The following TNS3 variants were observed in gnomAD, a reference collection of about 807,000 sequenced individuals.
TNS3 encodes tensin 3, also known as tensin-3.
A neutral mutation model predicts 140.9 loss-of-function variants in TNS3; 45 were observed. The observed-to-expected ratio is 0.32, with a 90% CI of 0.25 to 0.41. The LOEUF (loss-of-function observed/expected upper bound fraction) is 0.41, where lower values mean the gene tolerates loss of function less well. TNS3 is among the 10% of genes least tolerant of loss of function. The probability of loss-of-function intolerance (pLI) is 1.00; values close to 1 mark genes in which losing one functional copy is unlikely to be tolerated. For missense variants in TNS3, 1,716 were observed against 1,906.7 expected, an observed-to-expected ratio of 0.90 and a Z score of 1.86; for synonymous variants, 815 against 788.4, an observed-to-expected ratio of 1.03 and a Z score of -0.56.
chr7:47,325,977 T>C (rs999402880), intron 20 of TNS3, among the ~76,000 whole-genome samples: 3 of 152,202 alleles, frequency 2.0e-5, no homozygotes, highest in African/African-American at 7.2e-5. Context: ...ACCATGCGGA[T>C]TATCAGATCC....
chr7:47,540,167 A>G (rs1220240401), intron 1 of TNS3, among the ~76,000 whole-genome samples: 3 of 151,942 alleles, frequency 2.0e-5, no homozygotes, highest in Admixed American at 6.6e-5. Context: ...GGAACAAAAC[A>G]AGGTTCTTCC....
At chr7:47,296,790 G>A (rs982295847) in intron 24 of TNS3, among the ~76,000 whole-genome samples, 4 of 152,122 alleles carry the variant, frequency 2.6e-5, no homozygotes, top group African/African-American at 9.7e-5. Context: ...GGTGAGGGGG[G>A]TAGAGCCGAA....
chr7:47,288,353 T>C (rs1459876044), intron 27 of TNS3, among the ~76,000 whole-genome samples: 2 of 152,258 alleles, frequency 1.3e-5, no homozygotes, highest in Non-Finnish European at 2.9e-5. Flanking sequence ...GCTCTGTGCC[T>C]GTTGCTATCA....
chr7:47,474,621 C>T (rs894695542), intron 4 of TNS3, among the ~76,000 whole-genome samples: 3 of 147,958 alleles, frequency 2.0e-5, no homozygotes, highest in African/African-American at 7.5e-5. Flanking sequence ...ACCTCACACA[C>T]AACACTTCAC....
intron 4 of TNS3, among the ~76,000 whole-genome samples, chr7:47,461,689 A>C (rs1562771109): frequency 6.6e-6 from 1 of 152,128 alleles, no homozygotes; most frequent in Non-Finnish European, 1.5e-5. Context: ...TCTGCTCCCA[A>C]CCCTGCAAAT....
In TNS3 at chr7:47,276,158, T is replaced by C. The variant is rs574848697; in HGVS notation, c.*1918A>G. ...TCAACACATGAGGATCTGCTGAAAA[T>C]GCCAGCACCTCCTGACAGTCATGCC... On this transcript the variant is annotated 3_prime_UTR_variant, in exon 31 of 31. Coordinates refer to ENST00000311160, the MANE Select transcript of TNS3 (RefSeq NM_022748.12). The C allele has an allele frequency of 2.9e-5, 5 of 171,176 alleles. No homozygotes were observed. The highest frequency in any genetic ancestry group is 1.9e-4 in the Admixed American group (3 of 16,184). 10.6% of individuals were successfully genotyped at this position (171,176 alleles called of 1,614,324 possible). A position where few individuals can be genotyped will look rare whatever the true frequency, so the allele number is the denominator to read the frequency against.
intron 30 of TNS3, 144 bp downstream of exon 30, chr7:47,280,020 T>G (rs1419130695): frequency 5.1e-6 from 5 of 978,374 alleles, no homozygotes; most frequent in Non-Finnish European, 7.7e-6. Context: ...ATGAGAACAC[T>G]TTTACTTTTT....
At chr7:47,312,818 C>T (rs1440444075) in intron 20 of TNS3, among the ~76,000 whole-genome samples, 1 of 152,038 alleles carries the variant, frequency 6.6e-6, no homozygotes, top group Non-Finnish European at 1.5e-5. Flanking sequence ...ACCAACATGG[C>T]ACATGTACAC....
At position 47,452,998 on chromosome 7, in the gene TNS3, A is replaced by G. The variant is rs933407237; in HGVS notation, c.-75-10943T>C. 7 of 985,288 alleles carry G rather than the reference A, an allele frequency of 7.1e-6. No individual in the cohort carries two copies. The African/African-American group carries it at 1.2e-4, about 17-fold the overall frequency. 61.0% of individuals were successfully genotyped at this position (985,288 alleles called of 1,614,324 possible). On this transcript the variant is annotated intron_variant, in intron 4 of 30. Coordinates refer to ENST00000311160, the MANE Select transcript of TNS3 (RefSeq NM_022748.12). ...TTCCCTTCCAGAAACAGCTCCTCCT[A>G]CGTTTCGCTCCTTCCCCTGCTTTAG... is the stretch of plus-strand genomic sequence containing the variant.
chr7:47,560,660 C>T (rs925001224), intron 1 of TNS3, among the ~76,000 whole-genome samples: 32 of 152,186 alleles, frequency 2.1e-4, no homozygotes, highest in Admixed American at 1.1e-3. Context: ...CAGACATCAG[C>T]CTACAAATGA....
chr7:47,468,057 A>T (rs1264505566), intron 4 of TNS3, among the ~76,000 whole-genome samples: 1 of 152,144 alleles, frequency 6.6e-6, no homozygotes. Flanking sequence ...AAAAAAAAAA[A>T]TCAGCACTTT....
chr7:47,494,315 G>T (rs567409702), intron 3 of TNS3, among the ~76,000 whole-genome samples: 1 of 152,216 alleles, frequency 6.6e-6, no homozygotes, highest in East Asian at 1.9e-4. Flanking sequence ...TCCAGCTCTT[G>T]CTGGGCAGTG....
intron 1 of TNS3, among the ~76,000 whole-genome samples, chr7:47,576,029 G>A (rs1051992774): frequency 1.6e-4 from 25 of 151,914 alleles, no homozygotes; most frequent in Non-Finnish European, 3.4e-4. Context: ...CTCCAGCCCT[G>A]TCCACCCGGC....
At chr7:47,524,217 C>T (rs147675356) in intron 2 of TNS3, among the ~76,000 whole-genome samples, 1,601 of 152,318 alleles carry the variant, frequency 0.011, 20 homozygotes, top group African/African-American at 0.033. Context: ...GGCCCTTTCA[C>T]GTACACCCCT....
chr7:47,477,737 A>T (rs1160072002), intron 4 of TNS3, among the ~76,000 whole-genome samples: 1 of 152,208 alleles, frequency 6.6e-6, no homozygotes, highest in Non-Finnish European at 1.5e-5. Flanking sequence ...CCAAAATGCC[A>T]AGGATCACAG....
chr7:47,380,095 TG>T (rs1270195225), intron 16 of TNS3, among the ~76,000 whole-genome samples: 1 of 152,252 alleles, frequency 6.6e-6, no homozygotes, highest in Non-Finnish European at 1.5e-5. Flanking sequence ...CGCGGTCTCC[TG>T]GGTGAGGCTC....
intron 16 of TNS3, chr7:47,396,490 G>T (rs1412433489): frequency 2.9e-6 from 1 of 347,852 alleles, no homozygotes. Context: ...GACGGAAGAA[G>T]GGGGAACGGT....
rs979514227 is a variant in TNS3, at chr7:47,433,866, T to C, written c.324+1416A>G. Among the ~76,000 whole-genome samples the C allele has an allele frequency of 9.1e-5, 13 of 143,472 alleles. No homozygotes were observed. In the South Asian group the frequency reaches 2.8e-3, roughly 31 times the overall value. 94.1% of individuals were successfully genotyped at this position (143,472 alleles called of 152,430 possible). A position where few individuals can be genotyped will look rare whatever the true frequency, so the allele number is the denominator to read the frequency against. ...TTAATTAACAAGAATTATATTTATT[T>C]AAAAGTCCGTCTGTCTATCTCTCTC... On this transcript the variant is annotated intron_variant, in intron 8 of 30. Coordinates refer to ENST00000311160, the MANE Select transcript of TNS3 (RefSeq NM_022748.12).
intron 20 of TNS3, among the ~76,000 whole-genome samples, chr7:47,327,014 G>T (rs986324275): frequency 1.3e-5 from 2 of 152,082 alleles, no homozygotes; most frequent in Admixed American, 6.5e-5. Flanking sequence ...ACGCTGTGTC[G>T]GCTGCAGGGC....
Sources: allele counts gnomAD v4.1 joint callset (sites outside exome capture counted in the v4.1 genomes callset), GRCh38; gene constraint gnomAD v4.1.1; transcripts MANE v1.5; gene names NCBI Gene and HGNC (gene_info 2026-07-23, HGNC 2026-07-21).